TSPAN15: variants seen among roughly 807,000 people sequenced by gnomAD.
The protein encoded by TSPAN15 is tetraspanin-15.
A neutral mutation model predicts 34.5 loss-of-function variants in TSPAN15; 20 were observed. The ratio of observed to expected loss-of-function variants is 0.58; its 90% CI spans 0.41 to 0.84. TSPAN15 has a LOEUF of 0.84. TSPAN15 is among the 40% of genes least tolerant of loss of function. TSPAN15 has a pLI of 0.00. For synonymous variants in TSPAN15, 155 were observed against 153.9 expected, an observed-to-expected ratio of 1.01 and a Z score of -0.05; for missense variants, 313 against 386.1, an observed-to-expected ratio of 0.81 and a Z score of 1.59.
intron 1 of TSPAN15, among the ~76,000 whole-genome samples, chr10:69,476,115 T>A (rs1465620608): frequency 2.0e-5 from 3 of 152,014 alleles, no homozygotes; most frequent in African/African-American, 7.2e-5. Flanking sequence ...CTTGAGAAGA[T>A]GATTCTAAAA....
At chr10:69,453,859 T>TA (rs777222850) in intron 1 of TSPAN15, among the ~76,000 whole-genome samples, 2 of 152,220 alleles carry the variant, frequency 1.3e-5, no homozygotes, top group Non-Finnish European at 2.9e-5. Flanking sequence ...GAGGTTGCCT[T>TA]ACCAAATCCT....
chr10:69,489,911 C>T (rs529637404), intron 3 of TSPAN15, among the ~76,000 whole-genome samples: 83 of 152,328 alleles, frequency 5.4e-4, no homozygotes, highest in African/African-American at 2.0e-3. Context: ...CCTCTTGACA[C>T]CTGCTTTTGT....
chr10:69,482,501 A>C (rs1841754531), intron 1 of TSPAN15, among the ~76,000 whole-genome samples: 1 of 152,170 alleles, frequency 6.6e-6, no homozygotes, highest in African/African-American at 2.4e-5. Flanking sequence ...GGTCATCCTG[A>C]AAGTAAATTC....
At chr10:69,526,114 T>G in the TSPAN15 span, among the ~76,000 whole-genome samples, 1 of 146,540 alleles carries the variant, frequency 6.8e-6, no homozygotes, top group African/African-American at 2.5e-5. Flanking sequence ...AAATATACAA[T>G]ATTAGGAAGA....
intron 1 of TSPAN15, among the ~76,000 whole-genome samples, chr10:69,470,726 T>C (rs1841487108): frequency 6.6e-6 from 1 of 152,082 alleles, no homozygotes; most frequent in South Asian, 2.1e-4. Context: ...ATCTCAATTA[T>C]TTAAAATAAA....
At chr10:69,462,907 G>C (rs1300505051) in intron 1 of TSPAN15, among the ~76,000 whole-genome samples, 1 of 152,198 alleles carries the variant, frequency 6.6e-6, no homozygotes, top group African/African-American at 2.4e-5. Context: ...GAGAAGTGCA[G>C]GGGGAGTCAG....
chr10:69,455,175 G>A (rs983280052), intron 1 of TSPAN15, among the ~76,000 whole-genome samples: 2 of 149,726 alleles, frequency 1.3e-5, no homozygotes, highest in African/African-American at 5.0e-5. Flanking sequence ...AAAAGGAAAG[G>A]GTAGTGGTTA....
chr10:69,498,305 A>G lies in TSPAN15; in HGVS notation c.479A>G (p.Tyr160Cys), dbSNP rs190062517. The change falls in exon 5 of 8, where the codon TAC becomes TGC. Residue 160 changes from tyrosine (Y) to cysteine (C), a missense_variant. Physicochemically the swap from Tyr to Cys is radical, Grantham distance 194. Coordinates refer to ENST00000373290, the MANE Select transcript of TSPAN15 (RefSeq NM_012339.5). ...TTCAAGTGCTGTGGCGGGGAGGACT[A>G]CCGAGATTGGAGCAAGAATCAGTAC... ...KKFKCCGGED[Y>C]RDWSKNQYHD... The G allele has an allele frequency of 1.9e-6, 3 of 1,613,534 alleles. No homozygotes were observed. Among genetic ancestry groups the G allele is most frequent in the Non-Finnish European group, 2.5e-6 (3 of 1,179,920 alleles).
intron 1 of TSPAN15, among the ~76,000 whole-genome samples, chr10:69,455,794 C>T (rs2394571): frequency 2.4e-4 from 36 of 151,990 alleles, no homozygotes; most frequent in African/African-American, 6.8e-4. Context: ...CATGCAGACA[C>T]GCACCTGCCA....
At chr10:69,503,808 A>T (rs2133161933) in intron 5 of TSPAN15, among the ~76,000 whole-genome samples, 1 of 152,312 alleles carries the variant, frequency 6.6e-6, no homozygotes, top group Non-Finnish European at 1.5e-5. Flanking sequence ...GCAGCCTGTG[A>T]GTTAGGGCCT....
At chr10:69,478,613 G>C (rs115511952) in intron 1 of TSPAN15, among the ~76,000 whole-genome samples, 1 of 151,816 alleles carries the variant, frequency 6.6e-6, no homozygotes, top group Non-Finnish European at 1.5e-5. Flanking sequence ...TTCTTTTTTT[G>C]TGCCAGGGAC....
chr10:69,546,874 T>C, the TSPAN15 span, among the ~76,000 whole-genome samples: 1 of 152,168 alleles, frequency 6.6e-6, no homozygotes, highest in Admixed American at 6.5e-5. Context: ...CCGGGCACAG[T>C]GGCTCACATC....
rs187839325 is a variant in TSPAN15, at chr10:69,504,100, G to A, written c.571-338G>A. On this transcript the variant is annotated intron_variant, in intron 5 of 7. Coordinates refer to ENST00000373290, the MANE Select transcript of TSPAN15 (RefSeq NM_012339.5). ...ACAGCCCCACCCCGACCTCTGAGAC[G>A]GTGTGAGCAAAGCGGTGCTCTGGGG... Among the ~76,000 whole-genome samples, 426 of 152,292 alleles carry A rather than the reference G, an allele frequency of 2.8e-3. 1 individual carries two copies. The highest frequency in any genetic ancestry group is 4.9e-3 in the Non-Finnish European group (336 of 68,008).
intron 1 of TSPAN15, among the ~76,000 whole-genome samples, chr10:69,459,105 C>CAAAAAAAAAAAAAA (rs1259881929): frequency 1.2e-4 from 7 of 57,674 alleles, no homozygotes; most frequent in East Asian, 1.0e-3. Context: ...ACAAAACAGA[C>CAAAAAAAAAAAAAA]AAAAAAAAAA....
At chr10:69,484,751 C>T (rs1490032305) in intron 2 of TSPAN15, among the ~76,000 whole-genome samples, 1 of 152,132 alleles carries the variant, frequency 6.6e-6, no homozygotes, top group Non-Finnish European at 1.5e-5. Flanking sequence ...TGAGGGCTCT[C>T]TGTGGGGAGC....
chr10:69,460,058 AGATGAGATG>A (rs1841216491), intron 1 of TSPAN15, among the ~76,000 whole-genome samples: 4 of 121,796 alleles, frequency 3.3e-5, no homozygotes, highest in Non-Finnish European at 7.2e-5. Context: ...AGATGAGATG[AGATGAGATG>A]AGAACCTCTG....
intron 5 of TSPAN15, 57 bp from the exon 6 acceptor site, chr10:69,504,381 G>C: frequency 6.5e-7 from 1 of 1,532,734 alleles, no homozygotes; most frequent in Non-Finnish European, 9.0e-7. Context: ...TAGGATAATA[G>C]TGCCTTTTTG....
intron 1 of TSPAN15, among the ~76,000 whole-genome samples, chr10:69,455,560 T>TC: frequency 1.6e-5 from 2 of 126,664 alleles, no homozygotes; most frequent in Non-Finnish European, 3.4e-5. Flanking sequence ...TCTCTCTCTC[T>TC]TTCTTTCTTT....
chr10:69,451,608 A>T lies in TSPAN15; in HGVS notation c.14A>T (p.Asp5Val), dbSNP rs1840969128. 6.6e-7 allele frequency: 1 copy of T among 1,508,458 alleles called. No individual in the cohort carries two copies. Among genetic ancestry groups the T allele is most frequent in the Non-Finnish European group, 8.9e-7 (1 of 1,125,460 alleles). 93.4% of individuals were successfully genotyped at this position (1,508,458 alleles called of 1,614,324 possible). ...GGAGCGCCCAGGATGCCGCGCGGGG[A>T]CTCGGAGCAGGTGCGCTACTGCGCG... MPRGDSEQVRYCARF... is the reference protein window; with the variant it reads MPRGVSEQVRYCARF... The change falls in exon 1 of 8, where the codon GAC (aspartate) becomes GTC (valine). Residue 5 changes from aspartate to valine, a missense_variant. Transcript: ENST00000373290.
Sources: gnomAD v4.1 joint callset for allele counts (sites outside exome capture counted in the v4.1 genomes callset) on GRCh38, gnomAD v4.1.1 for gene constraint, MANE v1.5 for transcripts, NCBI Gene and HGNC (gene_info 2026-07-23, HGNC 2026-07-21) for gene names.